Variants in SLC9C1 observed in about 807,000 individuals in gnomAD.
SLC9C1 encodes the protein solute carrier family 9 member C1, also known as sodium/hydrogen exchanger 10.
Under a neutral mutation model 140.9 loss-of-function variants are expected in SLC9C1, and 97 were observed. The ratio of observed to expected loss-of-function variants is 0.69; its 90% CI spans 0.58 to 0.82. SLC9C1 has a LOEUF of 0.82. SLC9C1 is among the 40% of genes least tolerant of loss of function. The pLI is 0.00. For synonymous variants in SLC9C1, 440 were observed against 442.6 expected (o/e 0.99, Z 0.07); for missense variants, 1,340 against 1,389.3 (o/e 0.96, Z 0.56).
chr3:112,230,458 G>T (rs1382445412), intron 13 of SLC9C1, among the ~76,000 whole-genome samples: 1 of 152,158 alleles, frequency 6.6e-6, no homozygotes, highest in Non-Finnish European at 1.5e-5. Context: ...AGGACAAGTG[G>T]AAAATCTGCT....
chr3:112,194,520 A>T (rs1032413953), intron 20 of SLC9C1, among the ~76,000 whole-genome samples: 1 of 152,166 alleles, frequency 6.6e-6, no homozygotes, highest in Non-Finnish European at 1.5e-5. Context: ...CTAGTGTGCC[A>T]TCTTGCCTAT....
At chr3:112,243,961 T>C in intron 11 of SLC9C1, 34 bp downstream of exon 11, 2 of 1,398,576 alleles carry the variant, frequency 1.4e-6, no homozygotes, top group Non-Finnish European at 2.0e-6. Context: ...AGAATGTTTT[T>C]CTCTCCACAG....
chr3:112,219,619 C>T (rs2078483843), intron 14 of SLC9C1, among the ~76,000 whole-genome samples: 1 of 152,120 alleles, frequency 6.6e-6, no homozygotes, highest in Admixed American at 6.5e-5. Flanking sequence ...TGCTCTGTCC[C>T]CCAGGCTGGA....
intron 1 of SLC9C1, among the ~76,000 whole-genome samples, chr3:112,292,477 C>CT (rs2080711507): frequency 6.6e-6 from 1 of 152,172 alleles, no homozygotes; most frequent in East Asian, 1.9e-4. Flanking sequence ...TTTAAAAATA[C>CT]TAACATTACT....
chr3:112,263,947 C>T (rs777304051), intron 9 of SLC9C1, among the ~76,000 whole-genome samples: 6 of 151,588 alleles, frequency 4.0e-5, no homozygotes, highest in Admixed American at 6.6e-5. Context: ...CATGAAATGT[C>T]ATTACAAAAA....
At chr3:112,156,271 G>C (rs1355827619) in intron 26 of SLC9C1, among the ~76,000 whole-genome samples, 3 of 151,814 alleles carry the variant, frequency 2.0e-5, no homozygotes, top group African/African-American at 7.3e-5. Context: ...TCTGTGCCTG[G>C]ATTATTTAGC....
intron 6 of SLC9C1, among the ~76,000 whole-genome samples, chr3:112,272,397 A>G (rs1344257450): frequency 6.6e-6 from 1 of 152,222 alleles, no homozygotes; most frequent in African/African-American, 2.4e-5. Context: ...AAGAACTCTG[A>G]GTGAAATAAT....
intron 11 of SLC9C1, among the ~76,000 whole-genome samples, chr3:112,241,410 C>T (rs1230305643): frequency 6.6e-6 from 1 of 152,064 alleles, no homozygotes; most frequent in Non-Finnish European, 1.5e-5. Flanking sequence ...AAGATCTCTA[C>T]AAGGCGAACT....
intron 7 of SLC9C1, among the ~76,000 whole-genome samples, chr3:112,267,570 C>T (rs1338237742): frequency 6.8e-4 from 20 of 29,366 alleles, no homozygotes; most frequent in Admixed American, 6.2e-3. Context: ...AGCAAGACTC[C>T]GTCTCAAAAA....
Position 112,179,500 on chromosome 3 carries a change from C to T in SLC9C1, c.2919+31G>A, listed in dbSNP as rs200981211. On this transcript the variant is annotated intron_variant, in intron 23 of 28. Transcript: ENST00000305815. ...AAATCTGATATTATTTAACAAAATA[C>T]AACAAAAGTCACAGGCGAAGTTTTT... The T allele has an allele frequency of 7.2e-5, 113 of 1,579,472 alleles. 1 individual carries two copies. The highest frequency in any genetic ancestry group is 6.3e-4 in the Admixed American group (33 of 52,534).
chr3:112,183,255 T>C lies in SLC9C1; in HGVS notation c.2524-997A>G, dbSNP rs532699739. Reference sequence around the variant, plus strand: ...TGTTGTCTACACTTGGTATTGTCAATTTAAAAAAAATGGTATGCTGGTGGT... The same window carrying C: ...TGTTGTCTACACTTGGTATTGTCAACTTAAAAAAAATGGTATGCTGGTGGT... On this transcript the variant is annotated intron_variant, in intron 20 of 28. Coordinates refer to ENST00000305815, the MANE Select transcript of SLC9C1 (RefSeq NM_183061.3). Among the ~76,000 whole-genome samples, 5 of 152,010 alleles carry C rather than the reference T, an allele frequency of 3.3e-5. No homozygotes were observed. The South Asian group carries it at 8.3e-4, about 25-fold the overall frequency.
chr3:112,254,407 A>G (rs2079546823), intron 10 of SLC9C1, among the ~76,000 whole-genome samples: 1 of 152,210 alleles, frequency 6.6e-6, no homozygotes, highest in African/African-American at 2.4e-5. Flanking sequence ...GAAATCCTAC[A>G]AGCCAGAAGT....
At chr3:112,172,473 G>A (rs1330240189) in intron 23 of SLC9C1, among the ~76,000 whole-genome samples, 1 of 152,028 alleles carries the variant, frequency 6.6e-6, no homozygotes, top group Non-Finnish European at 1.5e-5. Flanking sequence ...TCTTACAAAT[G>A]TAGATATCAT....
chr3:112,249,520 T>C (rs1164306821), intron 10 of SLC9C1, among the ~76,000 whole-genome samples: 1 of 152,088 alleles, frequency 6.6e-6, no homozygotes, highest in Non-Finnish European at 1.5e-5. Flanking sequence ...GGAATAGTTT[T>C]AGTAGAAGTG....
intron 10 of SLC9C1, among the ~76,000 whole-genome samples, chr3:112,245,846 A>C (rs2079268077): frequency 6.6e-6 from 1 of 152,118 alleles, no homozygotes; most frequent in Non-Finnish European, 1.5e-5. Flanking sequence ...AGGTTTTTAA[A>C]AATGTGTCTC....
At chr3:112,188,718 C>A (rs1395534889) in intron 20 of SLC9C1, among the ~76,000 whole-genome samples, 1 of 152,112 alleles carries the variant, frequency 6.6e-6, no homozygotes, top group Non-Finnish European at 1.5e-5. Context: ...GTCTTTATAG[C>A]AGCATGATTT....
At chr3:112,283,873 G>A (rs2080430113) in intron 2 of SLC9C1, among the ~76,000 whole-genome samples, 1 of 145,892 alleles carries the variant, frequency 6.9e-6, no homozygotes, top group Admixed American at 6.9e-5. Context: ...TGGGCATCAT[G>A]ATCGGTCGCC....
At chr3:112,161,177 G>C (rs1396047749) in intron 26 of SLC9C1, among the ~76,000 whole-genome samples, 1 of 152,128 alleles carries the variant, frequency 6.6e-6, no homozygotes, top group African/African-American at 2.4e-5. Flanking sequence ...TTAGCCCTTT[G>C]TCAGATGAGT....
intron 10 of SLC9C1, among the ~76,000 whole-genome samples, chr3:112,251,800 G>C (rs1256941872): frequency 6.6e-6 from 1 of 151,890 alleles, no homozygotes; most frequent in Non-Finnish European, 1.5e-5. Flanking sequence ...CCATGATCCT[G>C]CTTCTCCTCT....
Sources: allele counts gnomAD v4.1 joint callset (sites outside exome capture counted in the v4.1 genomes callset), GRCh38; gene constraint gnomAD v4.1.1; transcripts MANE v1.5; gene names NCBI Gene and HGNC (gene_info 2026-07-23, HGNC 2026-07-21).